FGD5: variants seen among roughly 807,000 people sequenced by gnomAD.
The protein encoded by FGD5 is FYVE, RhoGEF and PH domain-containing protein 5.
Under a neutral mutation model 133.4 loss-of-function variants are expected in FGD5, and 28 were observed. The ratio of observed to expected loss-of-function variants is 0.21; its 90% CI spans 0.16 to 0.29. The LOEUF (loss-of-function observed/expected upper bound fraction) is 0.29, where lower values mean the gene tolerates loss of function less well. FGD5 is among the 10% of genes least tolerant of loss of function. The pLI is 1.00. For missense variants in FGD5, 1,858 were observed against 1,895.2 expected (o/e 0.98, Z 0.36); for synonymous variants, 810 against 776.5 (o/e 1.04, Z -0.72).
At chr3:14,857,891 A>G (rs1313679459) in intron 1 of FGD5, among the ~76,000 whole-genome samples, 1 of 152,062 alleles carries the variant, frequency 6.6e-6, no homozygotes, top group Non-Finnish European at 1.5e-5. Context: ...TAAATAATCT[A>G]TACCTATATT....
rs1326770176 is a variant in FGD5 at position 14,918,783 on chromosome 3, C to G, written c.3519C>G (p.Pro1173=). The G allele has an allele frequency of 6.2e-7, 1 of 1,613,858 alleles. No homozygotes were observed. Among genetic ancestry groups the G allele is most frequent in the African/African-American group, 1.3e-5 (1 of 74,912 alleles). Residue 1173 remains proline (P), a synonymous_variant, in exon 13 of 20, where the codon CCC becomes CCG. Coordinates refer to ENST00000285046, the MANE Select transcript of FGD5 (RefSeq NM_152536.4). ...GCCGCCCTGTGATGGAGAAAGTGCC[C>G]TACGCTCTAAAGATTGAGACTTCCG... The part of the protein sequence containing the change: ...KVSRPVMEKV[P]YALKIETSES...
intron 2 of FGD5, among the ~76,000 whole-genome samples, chr3:14,870,318 C>T (rs965411232): frequency 2.6e-5 from 4 of 152,286 alleles, no homozygotes; most frequent in South Asian, 2.1e-4. Flanking sequence ...TGGAGAGATT[C>T]GTCAGGTCTT....
intron 2 of FGD5, among the ~76,000 whole-genome samples, chr3:14,872,737 T>G (rs1254104516): frequency 6.6e-6 from 1 of 152,208 alleles, no homozygotes; most frequent in Non-Finnish European, 1.5e-5. Flanking sequence ...GTGCACAGCC[T>G]CCTCAAACCA....
intron 11 of FGD5, among the ~76,000 whole-genome samples, chr3:14,915,054 G>T (rs1199160957): frequency 6.6e-6 from 1 of 152,248 alleles, no homozygotes; most frequent in African/African-American, 2.4e-5. Context: ...TGGGTTGTCT[G>T]TGGCTGCTTT....
At chr3:14,928,143 T>C (rs1255981414) in intron 18 of FGD5, among the ~76,000 whole-genome samples, 2 of 151,940 alleles carry the variant, frequency 1.3e-5, no homozygotes, top group Non-Finnish European at 2.9e-5. Flanking sequence ...GGTTTCACCA[T>C]GTTGGCCAGG....
intron 4 of FGD5, among the ~76,000 whole-genome samples, chr3:14,891,509 T>C (rs1454523906): frequency 6.6e-6 from 1 of 152,248 alleles, no homozygotes; most frequent in East Asian, 1.9e-4. Flanking sequence ...ACTCAGCCCC[T>C]TGAGGGTTTC....
chr3:14,851,987 T>A (rs1288294305), intron 1 of FGD5, among the ~76,000 whole-genome samples: 1 of 151,776 alleles, frequency 6.6e-6, no homozygotes, highest in Non-Finnish European at 1.5e-5. Flanking sequence ...AGAACCCTCA[T>A]ACACTCCTGG....
chr3:14,820,762 A>G lies in FGD5; in HGVS notation c.1691A>G (p.Gln564Arg), dbSNP rs777320810. The change falls in exon 1 of 20, where the codon CAG becomes CGG. Residue 564 changes from glutamine (Q) to arginine (R), a missense_variant. By Grantham distance (43) the Gln-to-Arg change is conservative (BLOSUM62 1). Around this residue, in one of 3 missense-constraint regions of FGD5, gnomAD observed 1,824 missense variants for 1,848.9 expected, o/e 0.99. Coordinates refer to ENST00000285046, the MANE Select transcript of FGD5 (RefSeq NM_152536.4). ...EGREIPVSVY[Q>R]EPEGSGLDDH... ...CGAGAGATTCCAGTGTCCGTGTACC[A>G]GGAGCCTGAGGGGTCAGGGTTGGAT... is the stretch of plus-strand genomic sequence containing the variant. The G allele has an allele frequency of 6.2e-7, 1 of 1,613,136 alleles. No homozygotes were observed. The highest frequency in any genetic ancestry group is 2.2e-5 in the East Asian group (1 of 44,860).
At chr3:14,853,923 C>G (rs746065331) in intron 1 of FGD5, among the ~76,000 whole-genome samples, 4 of 148,254 alleles carry the variant, frequency 2.7e-5, no homozygotes, top group Non-Finnish European at 6.0e-5. Context: ...AATTGATATT[C>G]CCTTTACAGC....
chr3:14,875,004 A>G (rs992187156), intron 2 of FGD5, among the ~76,000 whole-genome samples: 23 of 152,180 alleles, frequency 1.5e-4, no homozygotes, highest in African/African-American at 5.3e-4. Flanking sequence ...TGGGATAAAG[A>G]GTGAGCCACC....
In FGD5 at chr3:14,922,313, C is replaced by T; in HGVS notation, c.3670-98C>T. 6.7e-7 allele frequency: 1 copy of T among 1,488,238 alleles called. No homozygotes were observed. Among genetic ancestry groups the T allele is most frequent in the Non-Finnish European group, 9.1e-7 (1 of 1,100,582 alleles). The allele number at this position is 1,488,238 out of a possible 1,614,324, so 92.2% of individuals were successfully genotyped here. On this transcript the variant is annotated intron_variant, in intron 14 of 19. Coordinates refer to ENST00000285046, the MANE Select transcript of FGD5 (RefSeq NM_152536.4). The surrounding 1 kb of genome is among the most constrained non-coding windows in gnomAD (Gnocchi z 4.1). ...CAGACCCACTCACCCACACATCACA[C>T]ACCCTGCACAGAGACGCAGGGCAGG...
At chr3:14,813,192 AG>A (rs1314031322) in intron 1 of FGD5, among the ~76,000 whole-genome samples, 6 of 151,862 alleles carry the variant, frequency 4.0e-5, no homozygotes, top group Admixed American at 3.9e-4. Context: ...ATGAAAAAAA[AG>A]GGGGTATTTC....
intron 10 of FGD5, among the ~76,000 whole-genome samples, chr3:14,908,803 C>G (rs901944524): frequency 2.0e-5 from 3 of 151,450 alleles, no homozygotes; most frequent in Non-Finnish European, 4.4e-5. Flanking sequence ...TCGCTTAAAC[C>G]CAGGAGGCAG....
Position 14,820,507 on chromosome 3 carries a change from G to A in FGD5, c.1436G>A (p.Ser479Asn). ...GLVPADRKNT[S>N]TRVRPHSGKV... ...GTTCCCGCGGACAGGAAGAACACCA[G>A]CACGAGGGTCCGGCCCCACTCTGGG... Residue 479 changes from serine (S) to asparagine (N), a missense_variant, in exon 1 of 20, where the codon AGC becomes AAC. By Grantham distance (46) the Ser-to-Asn change is conservative. This residue lies in a region of FGD5 where 1,824 missense variants were observed against 1,848.9 expected (regional missense o/e 0.99). Transcript: ENST00000285046. The A allele has an allele frequency of 5.0e-6, 8 of 1,614,014 alleles. No individual in the cohort carries two copies. The highest frequency in any genetic ancestry group is 6.8e-6 in the Non-Finnish European group (8 of 1,179,884).
Position 14,922,596 on chromosome 3 carries a change from G to A in FGD5, c.3807+48G>A, listed in dbSNP as rs764733280. 26 of 1,542,380 alleles carry A rather than the reference G, an allele frequency of 1.7e-5. No homozygotes were observed. In the South Asian group the frequency reaches 2.3e-4, roughly 13 times the overall value. ...AGTGTGTGCATGGGGGTGGGGTGGG[G>A]GAAGGGCATGTCCCTGCCCAGCCGG... On this transcript the variant is annotated intron_variant, in intron 15 of 19. Coordinates refer to ENST00000285046, the MANE Select transcript of FGD5 (RefSeq NM_152536.4). This position sits in a 1 kb window ranked among gnomAD's most constrained non-coding sequence, Gnocchi z 4.1.
intron 4 of FGD5, among the ~76,000 whole-genome samples, chr3:14,894,924 C>CTTT (rs2038104206): frequency 6.6e-6 from 1 of 151,756 alleles, no homozygotes. Flanking sequence ...GAGATGATAC[C>CTTT]TTGTAGTTTT....
intron 2 of FGD5, among the ~76,000 whole-genome samples, chr3:14,875,464 G>A (rs2037698387): frequency 1.3e-5 from 2 of 152,182 alleles, no homozygotes; most frequent in African/African-American, 4.8e-5. Flanking sequence ...ACACCCAGAG[G>A]TAGGAAAAAA....
upstream of FGD5, among the ~76,000 whole-genome samples, chr3:14,815,149 A>G (rs1001091327): frequency 1.3e-5 from 2 of 152,126 alleles, no homozygotes; most frequent in Non-Finnish European, 2.9e-5. Flanking sequence ...CTCTGAGTCA[A>G]AGCCCTGCAT....
At chr3:14,851,578 CT>C (rs2037165689) in intron 1 of FGD5, among the ~76,000 whole-genome samples, 1 of 152,220 alleles carries the variant, frequency 6.6e-6, no homozygotes, top group Non-Finnish European at 1.5e-5. Context: ...GCCCAAGGCA[CT>C]TCCAGTGTCC....
Sources: allele counts gnomAD v4.1 joint callset (sites outside exome capture counted in the v4.1 genomes callset), GRCh38; gene constraint gnomAD v4.1.1; regional missense constraint gnomAD v4.1.1; non-coding constraint Gnocchi (gnomAD v3.1); transcripts MANE v1.5; gene names NCBI Gene and HGNC (gene_info 2026-07-23, HGNC 2026-07-21).